The following UBLCP1 variants were observed in gnomAD, a reference collection of about 807,000 sequenced individuals.
The protein encoded by UBLCP1 is ubiquitin like domain containing CTD phosphatase 1.
A neutral mutation model predicts 42.4 loss-of-function variants in UBLCP1; 28 were observed. The observed-to-expected ratio is 0.66, with a 90% confidence interval of 0.49 to 0.90. The LOEUF (loss-of-function observed/expected upper bound fraction) is 0.90, where lower values mean the gene tolerates loss of function less well. UBLCP1 is among the 40% of genes least tolerant of loss of function. The pLI is 0.00. For synonymous variants in UBLCP1, 122 were observed against 120.8 expected (o/e 1.01, Z -0.07); for missense variants, 279 against 374.5 (o/e 0.75, Z 2.10).
At chr5:159,278,128 G>A in intron 8 of UBLCP1, 110 bp from the exon 9 acceptor site, 1 of 700,550 alleles carries the variant, frequency 1.4e-6, no homozygotes, top group South Asian at 1.7e-5. Flanking sequence ...TCTTACAGGG[G>A]GAAAGGAACA....
intron 9 of UBLCP1, among the ~76,000 whole-genome samples, chr5:159,278,819 C>T (rs1274649900): frequency 6.6e-6 from 1 of 152,118 alleles, no homozygotes; most frequent in Admixed American, 6.6e-5. Context: ...GATCTGCCCA[C>T]CTCGACCTCC....
chr5:159,270,992 ATTTT>A (rs1274995919), intron 5 of UBLCP1, among the ~76,000 whole-genome samples: 1 of 151,512 alleles, frequency 6.6e-6, no homozygotes, highest in Non-Finnish European at 1.5e-5. Context: ...GTGTATATAT[ATTTT>A]TTTATTTTTT....
rs139803371 is a variant in UBLCP1 at position 159,280,697 on chromosome 5, T to C, written c.801+2343T>C. ...TGGTAGAAATCTCAAAGATTTCATGTAGATCTTAAAAATAAGACTGCTCAT... is the reference window on the plus strand; with the variant it reads ...TGGTAGAAATCTCAAAGATTTCATGCAGATCTTAAAAATAAGACTGCTCAT... On this transcript the variant is annotated intron_variant, in intron 9 of 10. Transcript: ENST00000296786. Among the ~76,000 whole-genome samples the C allele has an allele frequency of 1.0e-3, 158 of 152,374 alleles. 1 individual carries two copies. Among genetic ancestry groups the C allele is most frequent in the African/African-American group, 3.7e-3 (152 of 41,584 alleles).
At position 159,270,516 on chromosome 5, in the gene UBLCP1, G is replaced by A; in HGVS notation, c.333-12G>A. ...AAGTGAATATTTTATCTAATTATAT[G>A]TTTTCCATTAGGGAAGAAAACCTAC... On this transcript the variant is annotated splice_polypyrimidine_tract_variant and intron_variant, in intron 4 of 10. Transcript: ENST00000296786. The A allele has an allele frequency of 1.2e-6, 2 of 1,606,766 alleles. No individual in the cohort carries two copies. Among genetic ancestry groups the A allele is most frequent in the Non-Finnish European group, 1.7e-6 (2 of 1,176,460 alleles).
At chr5:159,269,835 G>A (rs1197764755) in intron 2 of UBLCP1, 73 bp from the exon 3 acceptor site, 1 of 1,200,474 alleles carries the variant, frequency 8.3e-7, no homozygotes, top group Non-Finnish European at 1.2e-6. Context: ...TTAATGTTAG[G>A]GTTTTATATA....
rs774839446 is a variant in UBLCP1, at chr5:159,270,436, T to C, written c.323T>C (p.Val108Ala). 2 of 1,613,278 alleles carry C rather than the reference T, an allele frequency of 1.2e-6. No homozygotes were observed. The highest frequency in any genetic ancestry group is 1.7e-6 in the Non-Finnish European group (2 of 1,179,430). Residue 108 changes from valine (V) to alanine (A), a missense_variant, in exon 4 of 11, where the codon GTA becomes GCA. Coordinates refer to ENST00000296786, the MANE Select transcript of UBLCP1 (RefSeq NM_145049.5). Reference sequence around the variant, plus strand: ...GATATTGAAGATGAAGTAGTTGAAGTAGAAAATAGGTAAGTGCTTTTCGCT... The same window carrying C: ...GATATTGAAGATGAAGTAGTTGAAGCAGAAAATAGGTAAGTGCTTTTCGCT... ...DFDIEDEVVE[V>A]ENREENLLKI...
chr5:159,265,809 A>G lies in UBLCP1; in HGVS notation c.-47+2449A>G, dbSNP rs1217679571. On this transcript the variant is annotated intron_variant, in intron 1 of 10. Coordinates refer to ENST00000296786, the MANE Select transcript of UBLCP1 (RefSeq NM_145049.5). ...CCCTAGCCATTGTGGAACTGTAAGTAGCTGGGATTACAGGCGCCCACCACC... is the reference window on the plus strand; with the variant it reads ...CCCTAGCCATTGTGGAACTGTAAGTGGCTGGGATTACAGGCGCCCACCACC... Among the ~76,000 whole-genome samples the G allele has an allele frequency of 3.3e-5, 5 of 152,208 alleles. No homozygotes were observed. The East Asian group carries it at 5.8e-4, about 18-fold the overall frequency.
chr5:159,274,313 T>G (rs73307752), intron 6 of UBLCP1: 48 of 296,276 alleles, frequency 1.6e-4, no homozygotes, highest in African/African-American at 1.0e-3. Context: ...AGGTCTTGAT[T>G]TATAAATTTC....
In UBLCP1 at chr5:159,265,194, T is replaced by A. The variant is rs143936896; in HGVS notation, c.-47+1834T>A. On this transcript the variant is annotated intron_variant, in intron 1 of 10. Transcript: ENST00000296786. ...ATATAAATATGAATTTATGGCTCTC[T>A]CTTCTAATTGGCCTTTTAGTAGGAG... Among the ~76,000 whole-genome samples, 551 of 152,364 alleles carry A rather than the reference T, an allele frequency of 3.6e-3. 3 individuals are homozygous for A. The highest frequency in any genetic ancestry group is 0.013 in the African/African-American group (522 of 41,582).
intron 8 of UBLCP1, 157 bp downstream of exon 8, chr5:159,275,403 ATTTTTTTT>A (rs56675251): frequency 1.5e-4 from 24 of 164,422 alleles, no homozygotes; most frequent in East Asian, 1.3e-3. Context: ...AGGTTAAAAG[ATTTTTTTT>A]TTTTTTTTTT....
At chr5:159,283,686 G>A (rs1206449767) in intron 10 of UBLCP1, among the ~76,000 whole-genome samples, 1 of 151,930 alleles carries the variant, frequency 6.6e-6, no homozygotes, top group Admixed American at 6.6e-5. Flanking sequence ...TTCTCATACT[G>A]TAACTTAATG....
rs1165514094 is a variant in UBLCP1 at position 159,285,645 on chromosome 5, G to C, written c.*714G>C. 6.6e-6 allele frequency: 1 copy of C among 152,236 alleles called. No homozygotes were observed. Among genetic ancestry groups the C allele is most frequent in the African/African-American group, 2.4e-5 (1 of 41,440 alleles). The allele number at this position is 152,236 out of a possible 1,614,324, so 9.4% of individuals were successfully genotyped here. A position where few individuals can be genotyped will look rare whatever the true frequency, so the allele number is the denominator to read the frequency against. ...AGAAGACTGAAGAATAAAAACTAAG[G>C]AACAAGAATGAGTCTCTTTTTGGTG... On this transcript the variant is annotated 3_prime_UTR_variant, in exon 11 of 11. Transcript: ENST00000296786.
intron 1 of UBLCP1, among the ~76,000 whole-genome samples, chr5:159,268,434 G>C (rs964382250): frequency 4.6e-5 from 7 of 152,190 alleles, no homozygotes; most frequent in Admixed American, 1.3e-4. Context: ...ACTTCTCAAA[G>C]TCAGATGGCT....
rs895447249 is a variant in UBLCP1, at chr5:159,285,265, T to G, written c.*334T>G. ...ACACAAAGTGGAGAAAAATGTATAC[T>G]CAACAATGTCATTTTGTGACTTTGG... On this transcript the variant is annotated 3_prime_UTR_variant, in exon 11 of 11. Transcript: ENST00000296786. The G allele has an allele frequency of 1.7e-5, 3 of 178,762 alleles. No homozygotes were observed. The allele number at this position is 178,762 out of a possible 1,614,324, so 11.1% of individuals were successfully genotyped here.
intron 8 of UBLCP1, among the ~76,000 whole-genome samples, chr5:159,276,054 T>C (rs1202610394): frequency 6.6e-6 from 1 of 152,216 alleles, no homozygotes; most frequent in African/African-American, 2.4e-5. Context: ...AAGTATCTAC[T>C]GTCTGGAAGG....
Position 159,285,745 on chromosome 5 carries a change from C to T in UBLCP1, c.*814C>T, listed in dbSNP as rs1384921738. ...ATAAATTTTTAAAAGGGACATATCA[C>T]TGATTCATTCCTAAAAAGCATGAAC... On this transcript the variant is annotated 3_prime_UTR_variant, in exon 11 of 11. Transcript: ENST00000296786. 2 of 152,606 alleles carry T rather than the reference C, an allele frequency of 1.3e-5. No homozygotes were observed. The highest frequency in any genetic ancestry group is 4.8e-5 in the African/African-American group (2 of 41,456). The allele number at this position is 152,606 out of a possible 1,614,324, so 9.5% of individuals were successfully genotyped here.
chr5:159,270,788 G>T (rs1584738390), intron 5 of UBLCP1, 145 bp downstream of exon 5: 2 of 490,608 alleles, frequency 4.1e-6, no homozygotes, highest in South Asian at 3.2e-5. Context: ...ATTGCTCATT[G>T]TAAAAAATAC....
Position 159,285,021 on chromosome 5 carries a change from CTG to C in UBLCP1, c.*91_*92del. ...GAAATCATTATGATAGTGCTGGACA[CTG>C]AAGCAAATACCATACTGCTTATACT... On this transcript the variant is annotated 3_prime_UTR_variant, in exon 11 of 11. Transcript: ENST00000296786. 1 of 1,258,548 alleles carries C rather than the reference CTG, an allele frequency of 7.9e-7. No individual in the cohort carries two copies. Among genetic ancestry groups the C allele is most frequent in the African/African-American group, 1.5e-5 (1 of 67,402 alleles). The allele number at this position is 1,258,548 out of a possible 1,614,324, so 78.0% of individuals were successfully genotyped here. A position where few individuals can be genotyped will look rare whatever the true frequency, so the allele number is the denominator to read the frequency against.
chr5:159,266,710 G>A (rs751385603), intron 1 of UBLCP1, among the ~76,000 whole-genome samples: 6 of 152,182 alleles, frequency 3.9e-5, no homozygotes, highest in Admixed American at 1.3e-4. Context: ...GGGTCCCCGC[G>A]CTGTGTGCAG....
Sources: gnomAD v4.1 joint callset for allele counts (sites outside exome capture counted in the v4.1 genomes callset) on GRCh38, gnomAD v4.1.1 for gene constraint, MANE v1.5 for transcripts, NCBI Gene and HGNC (gene_info 2026-07-23, HGNC 2026-07-21) for gene names.